Variants in IL18R1 observed in about 807,000 individuals in gnomAD.
IL18R1 encodes interleukin-18 receptor 1.
Under a neutral mutation model 48.5 loss-of-function variants are expected in IL18R1, and 40 were observed. That is an observed-to-expected ratio of 0.82 (90% CI 0.64 to 1.07). The LOEUF (loss-of-function observed/expected upper bound fraction) is 1.07, where lower values mean the gene tolerates loss of function less well. IL18R1 is among the 50% of genes least tolerant of loss of function. The probability of loss-of-function intolerance (pLI) is 0.00; values close to 1 mark genes in which losing one functional copy is unlikely to be tolerated. For missense variants in IL18R1, 596 were observed against 633.7 expected (o/e 0.94, Z 0.64); for synonymous variants, 232 against 225.9 (o/e 1.03, Z -0.24).
At chr2:102,388,275 G>T (rs1680357246) in intron 8 of IL18R1, among the ~76,000 whole-genome samples, 3 of 152,224 alleles carry the variant, frequency 2.0e-5, no homozygotes, top group Non-Finnish European at 4.4e-5. Flanking sequence ...TTAATTACAT[G>T]ACAGGATCTG....
At chr2:102,365,758 GT>G (rs1293431816) in intron 2 of IL18R1, among the ~76,000 whole-genome samples, 3 of 152,172 alleles carry the variant, frequency 2.0e-5, no homozygotes, top group Non-Finnish European at 4.4e-5. Context: ...CTAGGCGTAG[GT>G]TCCCAAACCT....
At chr2:102,362,910 G>A (rs751667805) in intron 2 of IL18R1, 192 bp downstream of exon 2, 4 of 384,114 alleles carry the variant, frequency 1.0e-5, no homozygotes, top group Non-Finnish European at 1.4e-5. Context: ...TTTGTCTGAG[G>A]TGAAAATTTA....
Position 102,372,053 on chromosome 2 carries a change from T to G in IL18R1, c.403T>G (p.Phe135Val). ...TAGTAAAATTGTGGAAGTTAAAAAA[T>G]TTTTTCAGATAACCTGTGAAAACAG... ...VTSKIVEVKK[F>V]FQITCENSYY... The change falls in exon 4 of 11, where the codon TTT becomes GTT. Residue 135 changes from phenylalanine to valine, a missense_variant. Phe to Val is a conservative substitution (Grantham distance 50). Transcript: ENST00000233957. 6.2e-7 allele frequency: 1 copy of G among 1,609,364 alleles called. No homozygotes were observed. The highest frequency in any genetic ancestry group is 8.5e-7 in the Non-Finnish European group (1 of 1,178,134).
intron 4 of IL18R1, among the ~76,000 whole-genome samples, chr2:102,374,769 C>T (rs11465620): frequency 0.062 from 8,989 of 144,960 alleles, 419 homozygotes; most frequent in Non-Finnish European, 0.087. Flanking sequence ...GAGAGCGATA[C>T]TCCGTCTCAA....
chr2:102,362,807 G>A, intron 2 of IL18R1, 89 bp downstream of exon 2: 1 of 722,258 alleles, frequency 1.4e-6, no homozygotes, highest in Non-Finnish European at 2.3e-6. Context: ...GGCTACTGAA[G>A]ATGCTGAATT....
At chr2:102,359,923 T>G (rs1678476121) in intron 1 of IL18R1, among the ~76,000 whole-genome samples, 1 of 152,230 alleles carries the variant, frequency 6.6e-6, no homozygotes. Context: ...TTCACATCAG[T>G]TCCAGGAGAT....
At chr2:102,363,250 A>G (rs1395788205) in intron 2 of IL18R1, among the ~76,000 whole-genome samples, 3 of 151,564 alleles carry the variant, frequency 2.0e-5, no homozygotes, top group Non-Finnish European at 4.4e-5. Context: ...TTAGCGTTCC[A>G]TGATTGAATA....
At chr2:102,388,455 C>T (rs1021822654) in intron 8 of IL18R1, among the ~76,000 whole-genome samples, 3 of 152,198 alleles carry the variant, frequency 2.0e-5, no homozygotes, top group Non-Finnish European at 4.4e-5. Context: ...TCTTCCACCC[C>T]TGTGTGATTG....
chr2:102,387,804 G>A (rs981649149), intron 8 of IL18R1, among the ~76,000 whole-genome samples: 5 of 152,026 alleles, frequency 3.3e-5, no homozygotes, highest in African/African-American at 1.2e-4. Context: ...CACAGAGAGA[G>A]GAGAAAGAGA....
intron 7 of IL18R1, 28 bp from the exon 8 acceptor site, chr2:102,386,833 A>G (rs907535994): frequency 1.2e-6 from 2 of 1,612,232 alleles, no homozygotes; most frequent in African/African-American, 1.3e-5. Flanking sequence ...AACAGAGCCT[A>G]CTGCTAAATT....
rs781461957 is a variant in IL18R1, at chr2:102,372,060, A to G, written c.410A>G (p.Gln137Arg). The change falls in exon 4 of 11, where the codon CAG becomes CGG. Residue 137 changes from glutamine (Q) to arginine (R), a missense_variant. Around this residue, in one of 3 missense-constraint regions of IL18R1, gnomAD observed 360 missense variants for 339.4 expected, o/e 1.06. Transcript: ENST00000233957. ...SKIVEVKKFF[Q>R]ITCENSYYQT... ...ATTGTGGAAGTTAAAAAATTTTTTC[A>G]GATAACCTGTGAAAACAGTTACTAT... 7 of 1,609,652 alleles carry G rather than the reference A, an allele frequency of 4.3e-6. No individual in the cohort carries two copies. The highest frequency in any genetic ancestry group is 5.9e-6 in the Non-Finnish European group (7 of 1,178,486).
At chr2:102,382,734 G>GT (rs1043449069) in intron 6 of IL18R1, among the ~76,000 whole-genome samples, 10 of 152,186 alleles carry the variant, frequency 6.6e-5, no homozygotes, top group African/African-American at 2.2e-4. Context: ...TGGGGTCACA[G>GT]TGGTTTATAT....
At chr2:102,390,802 A>G (rs936632732) in intron 9 of IL18R1, among the ~76,000 whole-genome samples, 3 of 151,952 alleles carry the variant, frequency 2.0e-5, no homozygotes, top group Non-Finnish European at 4.4e-5. Context: ...GCGTGGTGGT[A>G]GGCGCCTGTA....
Position 102,398,149 on chromosome 2 carries a change from GC to G in IL18R1, c.*1264del, listed in dbSNP as rs1452532478. 6.6e-6 allele frequency: 1 copy of G among 152,342 alleles called. No individual in the cohort carries two copies. The highest frequency in any genetic ancestry group is 2.4e-5 in the African/African-American group (1 of 41,424). 9.4% of individuals were successfully genotyped at this position (152,342 alleles called of 1,614,324 possible). On this transcript the variant is annotated 3_prime_UTR_variant, in exon 11 of 11. Coordinates refer to ENST00000233957, the MANE Select transcript of IL18R1 (RefSeq NM_003855.5). ...TGAGGAGGTTTGCACATGTAGAGAAGCATACTGGAGAAGCATATCCAGAGGG... is the reference window on the plus strand; with the variant it reads ...TGAGGAGGTTTGCACATGTAGAGAAGATACTGGAGAAGCATATCCAGAGGG...
intron 5 of IL18R1, 99 bp downstream of exon 5, chr2:102,376,162 T>C (rs1679572781): frequency 9.7e-7 from 1 of 1,027,948 alleles, no homozygotes; most frequent in Non-Finnish European, 1.4e-6. Context: ...GTCCACTTAG[T>C]TGGGGTTGTG....
intron 5 of IL18R1, among the ~76,000 whole-genome samples, chr2:102,378,782 T>C (rs1192979135): frequency 2.0e-5 from 3 of 152,224 alleles, no homozygotes; most frequent in Non-Finnish European, 4.4e-5. Flanking sequence ...AACAACTCCT[T>C]TGATGCCACA....
rs760947382 is a variant in IL18R1 at position 102,390,269 on chromosome 2, A to C, written c.1111+52A>C. The C allele has an allele frequency of 6.8e-6, 10 of 1,477,122 alleles. No homozygotes were observed. The African/African-American group carries it at 1.4e-4, about 20-fold the overall frequency. 91.5% of individuals were successfully genotyped at this position (1,477,122 alleles called of 1,614,324 possible). Reference sequence around the variant, plus strand: ...TACCTTATGTTCTCATTAAGAAATCAGATAAATAGGCATTAATCTTCATCT... The same window carrying C: ...TACCTTATGTTCTCATTAAGAAATCCGATAAATAGGCATTAATCTTCATCT... On this transcript the variant is annotated intron_variant, in intron 9 of 10. Coordinates refer to ENST00000233957, the MANE Select transcript of IL18R1 (RefSeq NM_003855.5).
intron 9 of IL18R1, 114 bp downstream of exon 9, chr2:102,390,331 G>T: frequency 5.4e-6 from 5 of 923,280 alleles, no homozygotes; most frequent in Non-Finnish European, 8.2e-6. Context: ...CTGTGGGAGA[G>T]GTTTTCTATG....
chr2:102,374,777 CA>C (rs57492319), intron 4 of IL18R1, among the ~76,000 whole-genome samples: 35,206 of 138,962 alleles, frequency 0.25, 4,454 homozygotes, highest in East Asian at 0.43. Flanking sequence ...TACTCCGTCT[CA>C]AAAAAAAAAA....
Sources: gnomAD v4.1 joint callset for allele counts (sites outside exome capture counted in the v4.1 genomes callset) on GRCh38, gnomAD v4.1.1 for gene constraint, gnomAD v4.1.1 regional missense constraint, MANE v1.5 for transcripts, NCBI Gene and HGNC (gene_info 2026-07-23, HGNC 2026-07-21) for gene names.